Variants in RBMS3 observed in about 807,000 individuals in gnomAD.
RBMS3 encodes the protein RNA binding motif single stranded interacting protein 3, also known as RNA-binding motif, single-stranded-interacting protein 3.
In RBMS3, 27 loss-of-function variants were observed where a neutral mutation model predicts 66.8. The observed-to-expected ratio is 0.40, with a 90% CI of 0.30 to 0.56. RBMS3 has a LOEUF of 0.56. Among genes scored for constraint, RBMS3 ranks in the 20% least tolerant of loss-of-function variants. The pLI is 0.40. For missense variants in RBMS3, 513 were observed against 549.5 expected, an observed-to-expected ratio of 0.93 and a Z score of 0.66; for synonymous variants, 188 against 183.0, an observed-to-expected ratio of 1.03 and a Z score of -0.22.
chr3:29,812,333 A>G (rs1329929159), intron 6 of RBMS3, among the ~76,000 whole-genome samples: 1 of 152,132 alleles, frequency 6.6e-6, no homozygotes, highest in Non-Finnish European at 1.5e-5. Context: ...TTCCCCTCCC[A>G]CCACCTCCCC....
chr3:29,768,705 G>T (rs527365353), intron 6 of RBMS3, among the ~76,000 whole-genome samples: 1 of 151,904 alleles, frequency 6.6e-6, no homozygotes, highest in Non-Finnish European at 1.5e-5. Context: ...AATCAACAGG[G>T]TATAGGAGCC....
rs201083636 is a variant in RBMS3, at chr3:29,435,605, A to G, written c.248+690A>G. Among the ~76,000 whole-genome samples the G allele has an allele frequency of 5.3e-5, 8 of 152,338 alleles. No homozygotes were observed. In the East Asian group the frequency reaches 1.3e-3, roughly 26 times the overall value. ...CTTATTTCTGTGCAAATAAAAACAT[A>G]TTTAAGTTCACCTTCCCATAAAATT... On this transcript the variant is annotated intron_variant, in intron 2 of 14. Coordinates refer to ENST00000383767, the MANE Select transcript of RBMS3 (RefSeq NM_001003793.3).
chr3:29,311,830 T>C (rs1459225746), intron 1 of RBMS3, among the ~76,000 whole-genome samples: 1 of 151,764 alleles, frequency 6.6e-6, no homozygotes, highest in Non-Finnish European at 1.5e-5. Context: ...AACATGTCCA[T>C]AGCAATCATT....
chr3:29,488,316 A>T, intron 2 of RBMS3, 125 bp from the exon 3 acceptor site: 1 of 668,714 alleles, frequency 1.5e-6, no homozygotes, highest in African/African-American at 1.8e-5. Context: ...GTGAAATGGG[A>T]ATCCAGAGCT....
intron 1 of RBMS3, among the ~76,000 whole-genome samples, chr3:29,432,871 G>A (rs1159293040): frequency 1.3e-5 from 2 of 152,166 alleles, no homozygotes; most frequent in Non-Finnish European, 2.9e-5. Context: ...TCTAAGAAGT[G>A]ATTGGAGAAA....
chr3:29,651,352 A>T (rs72846044), intron 4 of RBMS3, among the ~76,000 whole-genome samples: 1,730 of 152,338 alleles, frequency 0.011, 32 homozygotes, highest in African/African-American at 0.04. Flanking sequence ...AGTTTGCTTT[A>T]TCATGGACTG....
At chr3:29,422,367 T>C (rs1342097655) in intron 1 of RBMS3, among the ~76,000 whole-genome samples, 1 of 147,668 alleles carries the variant, frequency 6.8e-6, no homozygotes, top group Non-Finnish European at 1.5e-5. Flanking sequence ...TAGGGATAGT[T>C]CCTTCTCTTA....
chr3:29,985,580 G>A (rs537747430), intron 12 of RBMS3, among the ~76,000 whole-genome samples: 36 of 152,186 alleles, frequency 2.4e-4, no homozygotes, highest in African/African-American at 7.2e-4. Context: ...AGTCCCTCAC[G>A]GCTTCCCTTG....
rs536348489 is a variant in RBMS3 at position 29,762,897 on chromosome 3, C to CT, written c.558-6dup. On this transcript the variant is annotated splice_polypyrimidine_tract_variant and intron_variant, in intron 5 of 14. Coordinates refer to ENST00000383767, the MANE Select transcript of RBMS3 (RefSeq NM_001003793.3). ...CAACCATATATGACCTCTGGTTTAC[C>CT]TTTTTTTCCCAGAATGGAGTCTACT... is the stretch of plus-strand genomic sequence containing the variant. The CT allele has an allele frequency of 5.1e-5, 81 of 1,578,592 alleles. No individual in the cohort carries two copies. The highest frequency in any genetic ancestry group is 5.0e-4 in the East Asian group (22 of 44,252).
At position 29,374,776 on chromosome 3, in the gene RBMS3, A is replaced by G. The variant is rs543780158; in HGVS notation, c.76-59967A>G. Among the ~76,000 whole-genome samples the G allele has an allele frequency of 3.3e-5, 5 of 152,370 alleles. No individual in the cohort carries two copies. The East Asian group carries it at 9.6e-4, about 29-fold the overall frequency. On this transcript the variant is annotated intron_variant, in intron 1 of 14. Transcript: ENST00000383767. ...CAACTGTATTTGAATAAATTACAGT[A>G]TACAGAAAAGGCAATACTCAAAACT...
intron 1 of RBMS3, among the ~76,000 whole-genome samples, chr3:29,382,937 A>G (rs907536816): frequency 1.3e-5 from 2 of 152,202 alleles, no homozygotes; most frequent in Non-Finnish European, 2.9e-5. Flanking sequence ...ATCTGTATGT[A>G]CATATTATGA....
chr3:29,798,486 G>A (rs563424661), intron 6 of RBMS3, among the ~76,000 whole-genome samples: 15 of 151,966 alleles, frequency 9.9e-5, no homozygotes, highest in South Asian at 2.1e-4. Flanking sequence ...AGAGGCAGAA[G>A]GCTGTGTCAA....
At chr3:29,461,313 T>G (rs1414831725) in intron 2 of RBMS3, among the ~76,000 whole-genome samples, 2 of 152,226 alleles carry the variant, frequency 1.3e-5, no homozygotes, top group East Asian at 3.9e-4. Context: ...TGCCTATGCT[T>G]CTTTCCTCAC....
intron 4 of RBMS3, among the ~76,000 whole-genome samples, chr3:29,645,421 A>G (rs903631205): frequency 6.6e-6 from 1 of 152,222 alleles, no homozygotes; most frequent in East Asian, 1.9e-4. Context: ...GTCCCAGGAC[A>G]GAAGGGTCTT....
chr3:29,441,096 G>C (rs1021733888), intron 2 of RBMS3, among the ~76,000 whole-genome samples: 2 of 152,136 alleles, frequency 1.3e-5, no homozygotes, highest in Non-Finnish European at 2.9e-5. Flanking sequence ...AAATTACGCA[G>C]CTGCTTTTGA....
rs568506464 is a variant in RBMS3, at chr3:29,656,606, C to A, written c.399+69401C>A. 2.0e-5 allele frequency among the ~76,000 whole-genome samples: 3 copies of A among 152,250 alleles called. No homozygotes were observed. The South Asian group carries it at 6.2e-4, about 32-fold the overall frequency. On this transcript the variant is annotated intron_variant, in intron 4 of 14. Coordinates refer to ENST00000383767, the MANE Select transcript of RBMS3 (RefSeq NM_001003793.3). ...GCAATATAATGTAAAGAGAGCAAAA[C>A]CCTCACAATGTGAGTTCATGAGTTT... is the stretch of plus-strand genomic sequence containing the variant.
At position 29,435,069 on chromosome 3, in the gene RBMS3, G is replaced by T. The variant is rs78915178; in HGVS notation, c.248+154G>T. 2,154 of 820,940 alleles carry T rather than the reference G, an allele frequency of 2.6e-3. 32 individuals carry two copies. In the African/African-American group the frequency reaches 0.03, roughly 12 times the overall value. The allele number at this position is 820,940 out of a possible 1,614,324, so 50.9% of individuals were successfully genotyped here. On this transcript the variant is annotated intron_variant, in intron 2 of 14. Coordinates refer to ENST00000383767, the MANE Select transcript of RBMS3 (RefSeq NM_001003793.3). ...GACTTAAATTTGAGATTCAATGCTA[G>T]TTTATTTTGGGGAGTGGAATTGGTT... is the stretch of plus-strand genomic sequence containing the variant.
chr3:29,939,903 A>G (rs1397036733), intron 11 of RBMS3, among the ~76,000 whole-genome samples: 1 of 151,822 alleles, frequency 6.6e-6, no homozygotes, highest in Non-Finnish European at 1.5e-5. Context: ...TCTCAAAGTC[A>G]CCATGACCCA....
chr3:29,928,711 C>T (rs2061021287), intron 10 of RBMS3, among the ~76,000 whole-genome samples: 4 of 152,010 alleles, frequency 2.6e-5, no homozygotes. Context: ...TGGGGAATAA[C>T]TCCTATGAAT....
Sources: allele counts gnomAD v4.1 joint callset (sites outside exome capture counted in the v4.1 genomes callset), GRCh38; gene constraint gnomAD v4.1.1; transcripts MANE v1.5; gene names NCBI Gene and HGNC (gene_info 2026-07-23, HGNC 2026-07-21).